Variants in GALNT13 observed in about 807,000 individuals in gnomAD.
GALNT13 encodes polypeptide N-acetylgalactosaminyltransferase 13.
In GALNT13, 28 loss-of-function variants were observed where a neutral mutation model predicts 64.2. That is an observed-to-expected ratio of 0.44 (90% CI 0.32 to 0.60). The LOEUF (loss-of-function observed/expected upper bound fraction) is 0.60. GALNT13 is among the 20% of genes least tolerant of loss of function. The pLI, the probability that GALNT13 is intolerant of heterozygous loss-of-function variation, is 0.05. For synonymous variants in GALNT13, 214 were observed against 224.6 expected (o/e 0.95, Z 0.42); for missense variants, 577 against 669.8 (o/e 0.86, Z 1.53).
intron 7 of GALNT13, among the ~76,000 whole-genome samples, chr2:154,249,394 C>T (rs1689952258): frequency 6.6e-6 from 1 of 152,074 alleles, no homozygotes; most frequent in Non-Finnish European, 1.5e-5. Flanking sequence ...TGTGGATGTA[C>T]AGGAATAATT....
the GALNT13 span, among the ~76,000 whole-genome samples, chr2:153,428,261 T>G: frequency 6.6e-6 from 1 of 152,162 alleles, no homozygotes; most frequent in African/African-American, 2.4e-5. Flanking sequence ...CACCAGCATC[T>G]GCTTGGCTTC....
chr2:154,273,905 AAAAT>A (rs1409272618), intron 8 of GALNT13, among the ~76,000 whole-genome samples: 4 of 152,118 alleles, frequency 2.6e-5, no homozygotes, highest in African/African-American at 9.7e-5. Flanking sequence ...AATACATAAT[AAAAT>A]AAATAATAAT....
intron 3 of GALNT13, among the ~76,000 whole-genome samples, chr2:154,050,355 C>T (rs941349985): frequency 2.0e-5 from 3 of 152,088 alleles, no homozygotes; most frequent in African/African-American, 4.8e-5. Flanking sequence ...TTGTCTAGCC[C>T]CTCTGACCCC....
chr2:154,120,221 G>T (rs979694081), intron 3 of GALNT13, among the ~76,000 whole-genome samples: 2 of 152,164 alleles, frequency 1.3e-5, no homozygotes, highest in Non-Finnish European at 2.9e-5. Context: ...TGTGATGTCA[G>T]GTGGAGCTTC....
rs1215797675 is a variant in GALNT13 at position 154,150,134 on chromosome 2, T to C, written c.311+9629T>C. ...CCTAATTTATTGAGAGTTAATAGCA[T>C]GAAGAGTTGTTGAATTTTGTCAAAG... On this transcript the variant is annotated intron_variant, in intron 4 of 12. Transcript: ENST00000392825. Among the ~76,000 whole-genome samples the C allele has an allele frequency of 2.0e-5, 3 of 152,212 alleles. No individual in the cohort carries two copies. In the East Asian group the frequency reaches 5.8e-4, roughly 29 times the overall value.
rs189347849 is a variant in GALNT13, at chr2:154,354,265, G to A, written c.1157-41726G>A. ...AATTGGGTTGTTTTTCTGCTATTGA[G>A]TTGTGAGGGTTTTAAATTTTGAATA... On this transcript the variant is annotated intron_variant, in intron 9 of 12. Coordinates refer to ENST00000392825, the MANE Select transcript of GALNT13 (RefSeq NM_052917.4). 8.8e-4 allele frequency among the ~76,000 whole-genome samples: 134 copies of A among 152,176 alleles called. 2 individuals are homozygous for A. In the Middle Eastern group the frequency reaches 0.01, roughly 12 times the overall value.
At chr2:153,950,910 G>A (rs1233906728) in intron 3 of GALNT13, among the ~76,000 whole-genome samples, 3 of 151,708 alleles carry the variant, frequency 2.0e-5, no homozygotes, top group African/African-American at 4.8e-5. Flanking sequence ...CATGTACCCC[G>A]AATCTAAAAT....
intron 1 of GALNT13, among the ~76,000 whole-genome samples, chr2:153,884,805 A>ATG (rs1365077072): frequency 0.01 from 1,364 of 133,594 alleles, 52 homozygotes; most frequent in African/African-American, 0.036. Context: ...ATATATATAT[A>ATG]TGTGTGTGTG....
chr2:153,649,618 C>G, the GALNT13 span, among the ~76,000 whole-genome samples: 2 of 152,020 alleles, frequency 1.3e-5, no homozygotes, highest in African/African-American at 4.8e-5. Flanking sequence ...ATAAATTTCC[C>G]TCTACACACT....
chr2:153,109,915 A>G, the GALNT13 span, among the ~76,000 whole-genome samples: 1 of 152,032 alleles, frequency 6.6e-6, no homozygotes, highest in African/African-American at 2.4e-5. Flanking sequence ...AGGTAAACAG[A>G]TTTATTTTTA....
intron 2 of GALNT13, among the ~76,000 whole-genome samples, chr2:153,917,459 A>G (rs999657771): frequency 3.3e-5 from 5 of 152,068 alleles, no homozygotes; most frequent in African/African-American, 9.7e-5. Context: ...CTTTATGATA[A>G]TATAATTTGA....
At chr2:154,207,779 T>C (rs1687543581) in intron 4 of GALNT13, among the ~76,000 whole-genome samples, 1 of 152,212 alleles carries the variant, frequency 6.6e-6, no homozygotes, top group Non-Finnish European at 1.5e-5. Flanking sequence ...CTGATTCCTC[T>C]GCCCTGGTCT....
At chr2:153,184,867 A>T in the GALNT13 span, among the ~76,000 whole-genome samples, 2 of 152,050 alleles carry the variant, frequency 1.3e-5, no homozygotes, top group Non-Finnish European at 2.9e-5. Flanking sequence ...TGGTTTGCCA[A>T]TATTTTATTG....
At chr2:153,926,726 A>G (rs1690162709) in intron 2 of GALNT13, among the ~76,000 whole-genome samples, 1 of 152,090 alleles carries the variant, frequency 6.6e-6, no homozygotes, top group Admixed American at 6.6e-5. Flanking sequence ...CACGGTTTTC[A>G]TGACTGTATG....
intron 3 of GALNT13, among the ~76,000 whole-genome samples, chr2:153,950,297 G>A (rs912473604): frequency 2.6e-5 from 4 of 151,696 alleles, no homozygotes; most frequent in East Asian, 3.9e-4. Context: ...AAAAAAATGG[G>A]CAACAGAACT....
chr2:153,080,533 C>A, the GALNT13 span, among the ~76,000 whole-genome samples: 6 of 151,866 alleles, frequency 4.0e-5, no homozygotes, highest in Non-Finnish European at 7.4e-5. Flanking sequence ...ATTGATCTAC[C>A]ATTTCTTGTG....
At chr2:153,432,221 T>A in the GALNT13 span, among the ~76,000 whole-genome samples, 3 of 152,172 alleles carry the variant, frequency 2.0e-5, no homozygotes, top group Admixed American at 2.0e-4. Flanking sequence ...TTGAAAATTG[T>A]TAACACTCCT....
At chr2:153,619,072 T>C in the GALNT13 span, among the ~76,000 whole-genome samples, 1 of 152,020 alleles carries the variant, frequency 6.6e-6, no homozygotes, top group East Asian at 1.9e-4. Flanking sequence ...GTTATATTTC[T>C]GGTTGTTTTG....
At chr2:153,432,587 C>CTATTGCT in the GALNT13 span, among the ~76,000 whole-genome samples, 1 of 151,990 alleles carries the variant, frequency 6.6e-6, no homozygotes, top group African/African-American at 2.4e-5. Flanking sequence ...CAAGTTTCAC[C>CTATTGCT]TATTGCTTGG....
Sources: allele counts gnomAD v4.1 joint callset (sites outside exome capture counted in the v4.1 genomes callset), GRCh38; gene constraint gnomAD v4.1.1; transcripts MANE v1.5; gene names NCBI Gene and HGNC (gene_info 2026-07-23, HGNC 2026-07-21).